ATP8A2: variants seen among roughly 807,000 people sequenced by gnomAD.
The protein encoded by ATP8A2 is ATPase phospholipid transporting 8A2, also known as phospholipid-transporting ATPase IB.
ATP8A2 carries 100 observed loss-of-function variants against 165.6 expected under a neutral mutation model. The ratio of observed to expected loss-of-function variants is 0.60; its 90% CI spans 0.51 to 0.71. ATP8A2 has a LOEUF of 0.71. ATP8A2 is among the 30% of genes least tolerant of loss of function. The probability of loss-of-function intolerance (pLI) is 0.00; values close to 1 mark genes in which losing one functional copy is unlikely to be tolerated. For synonymous variants in ATP8A2, 543 were observed against 548.8 expected, an observed-to-expected ratio of 0.99 and a Z score of 0.15; for missense variants, 1,227 against 1,479.5, an observed-to-expected ratio of 0.83 and a Z score of 2.80.
chr13:25,506,938 T>C (rs570599500), intron 2 of ATP8A2, among the ~76,000 whole-genome samples: 1 of 112,718 alleles, frequency 8.9e-6, no homozygotes, highest in Non-Finnish European at 1.8e-5. Flanking sequence ...TACAGTACAG[T>C]ACATATATAT....
chr13:26,020,573 G>A lies in ATP8A2; in HGVS notation c.*588G>A, dbSNP rs549490909. 3.9e-4 allele frequency: 59 copies of A among 152,856 alleles called. No individual in the cohort carries two copies. Among genetic ancestry groups the A allele is most frequent in the African/African-American group, 1.3e-3 (56 of 41,564 alleles). 9.5% of individuals were successfully genotyped at this position (152,856 alleles called of 1,614,324 possible). A position where few individuals can be genotyped will look rare whatever the true frequency, so the allele number is the denominator to read the frequency against. On this transcript the variant is annotated 3_prime_UTR_variant, in exon 37 of 37. Transcript: ENST00000381655. ...TGAGAACATTTATTTGAACCTCTTA[G>A]CCACATTTCCAGCAGGGCAAACCAA...
At chr13:25,386,136 G>C (rs1924780) in intron 1 of ATP8A2, among the ~76,000 whole-genome samples, 1 of 151,114 alleles carries the variant, frequency 6.6e-6, no homozygotes, top group South Asian at 2.1e-4. Context: ...GGCTGGTCTC[G>C]AACTCCTGGC....
intron 26 of ATP8A2, 55 bp from the exon 27 acceptor site, chr13:25,774,794 G>A (rs1017147398): frequency 1.9e-6 from 2 of 1,030,560 alleles, no homozygotes; most frequent in African/African-American, 3.2e-5. Flanking sequence ...TTCTGTTTGT[G>A]ACTTTTATTC....
intron 24 of ATP8A2, among the ~76,000 whole-genome samples, chr13:25,643,562 A>G (rs2041591614): frequency 6.6e-6 from 1 of 152,056 alleles, no homozygotes; most frequent in South Asian, 2.1e-4. Context: ...TCTTGGCACC[A>G]GTGTTGAAAT....
intron 2 of ATP8A2, among the ~76,000 whole-genome samples, chr13:25,478,946 C>G (rs1252162554): frequency 1.3e-5 from 2 of 151,990 alleles, no homozygotes; most frequent in African/African-American, 4.8e-5. Context: ...CTCCTGGGTT[C>G]AAGTGATTCC....
At chr13:25,549,045 A>G (rs1459399981) in intron 10 of ATP8A2, among the ~76,000 whole-genome samples, 1 of 152,210 alleles carries the variant, frequency 6.6e-6, no homozygotes, top group Non-Finnish European at 1.5e-5. Context: ...TAATGATCAG[A>G]TCAATGGAGA....
chr13:25,568,223 C>T (rs1376147568), intron 16 of ATP8A2, among the ~76,000 whole-genome samples: 1 of 152,138 alleles, frequency 6.6e-6, no homozygotes, highest in African/African-American at 2.4e-5. Flanking sequence ...ATTTATGCAA[C>T]CCCCTGCTTA....
intron 35 of ATP8A2, among the ~76,000 whole-genome samples, chr13:25,999,687 A>T (rs1360503311): frequency 6.6e-6 from 1 of 152,136 alleles, no homozygotes. Context: ...GTCTTGGGTA[A>T]CTTTGTTTCC....
chr13:25,516,891 C>T (rs1351459474), intron 2 of ATP8A2, among the ~76,000 whole-genome samples: 3 of 151,656 alleles, frequency 2.0e-5, no homozygotes, highest in African/African-American at 4.9e-5. Context: ...AGCGATTCTC[C>T]TGCCTCAGCC....
chr13:25,594,624 A>G (rs2040185296), intron 24 of ATP8A2, among the ~76,000 whole-genome samples: 2 of 152,012 alleles, frequency 1.3e-5, no homozygotes, highest in Admixed American at 6.6e-5. Context: ...ATGCCTTTGC[A>G]TCCTCATAGC....
chr13:25,844,160 G>C (rs1049292844), intron 30 of ATP8A2, among the ~76,000 whole-genome samples: 1 of 152,084 alleles, frequency 6.6e-6, no homozygotes, highest in Non-Finnish European at 1.5e-5. Flanking sequence ...CAGAGGACCA[G>C]GATATGTCAG....
intron 2 of ATP8A2, among the ~76,000 whole-genome samples, chr13:25,520,774 TG>T (rs1482290210): frequency 6.6e-6 from 1 of 150,790 alleles, no homozygotes; most frequent in Non-Finnish European, 1.5e-5. Flanking sequence ...GCTAATTTTT[TG>T]TATATATATA....
At chr13:25,495,599 A>AC (rs2036651376) in intron 2 of ATP8A2, among the ~76,000 whole-genome samples, 1 of 144,896 alleles carries the variant, frequency 6.9e-6, no homozygotes, top group Non-Finnish European at 1.5e-5. Flanking sequence ...AGCTGGGACC[A>AC]CAGGCATGCA....
At chr13:25,396,884 C>T (rs780365767) in intron 1 of ATP8A2, among the ~76,000 whole-genome samples, 1 of 152,230 alleles carries the variant, frequency 6.6e-6, no homozygotes, top group Non-Finnish European at 1.5e-5. Context: ...AACACTCACA[C>T]AGCAAGCTTT....
At chr13:26,007,369 A>T (rs1056432959) in intron 35 of ATP8A2, among the ~76,000 whole-genome samples, 1 of 152,198 alleles carries the variant, frequency 6.6e-6, no homozygotes, top group Non-Finnish European at 1.5e-5. Flanking sequence ...CTACACCTCC[A>T]GTAGAGTGTT....
chr13:25,696,232 TGTG>T (rs1301122389), intron 24 of ATP8A2, among the ~76,000 whole-genome samples: 1 of 152,122 alleles, frequency 6.6e-6, no homozygotes, highest in Non-Finnish European at 1.5e-5. Context: ...TATAAACAGA[TGTG>T]GTGTTAGCCA....
chr13:25,422,419 G>C (rs1566120451), intron 1 of ATP8A2, among the ~76,000 whole-genome samples: 1 of 152,150 alleles, frequency 6.6e-6, no homozygotes, highest in Non-Finnish European at 1.5e-5. Flanking sequence ...TTTTTAAAAG[G>C]TCCCCATTAG....
intron 27 of ATP8A2, among the ~76,000 whole-genome samples, chr13:25,780,732 C>T (rs955231566): frequency 6.6e-6 from 1 of 151,988 alleles, no homozygotes; most frequent in Non-Finnish European, 1.5e-5. Flanking sequence ...TCATAAGGAG[C>T]GTGCAAACTA....
intron 24 of ATP8A2, among the ~76,000 whole-genome samples, chr13:25,690,550 T>G (rs1486977910): frequency 1.3e-5 from 2 of 152,142 alleles, no homozygotes; most frequent in Non-Finnish European, 2.9e-5. Context: ...AGAAATTCAG[T>G]TCATTCATTA....
Sources: gnomAD v4.1 joint callset for allele counts (sites outside exome capture counted in the v4.1 genomes callset) on GRCh38, gnomAD v4.1.1 for gene constraint, MANE v1.5 for transcripts, NCBI Gene and HGNC (gene_info 2026-07-23, HGNC 2026-07-21) for gene names.